The following STXBP5L variants were observed in gnomAD, a reference collection of about 807,000 sequenced individuals.
STXBP5L encodes syntaxin-binding protein 5-like.
A neutral mutation model predicts 144.5 loss-of-function variants in STXBP5L; 65 were observed. The observed-to-expected ratio is 0.45, with a 90% CI of 0.37 to 0.55. The LOEUF (loss-of-function observed/expected upper bound fraction) is 0.55, where lower values mean the gene tolerates loss of function less well. Ranked by LOEUF, STXBP5L falls within the 20% of genes least tolerant of loss-of-function variation. The probability of loss-of-function intolerance (pLI) is 0.00; values close to 1 mark genes in which losing one functional copy is unlikely to be tolerated. For synonymous variants in STXBP5L, 505 were observed against 469.6 expected, an observed-to-expected ratio of 1.08 and a Z score of -0.97; for missense variants, 1,298 against 1,405.5, an observed-to-expected ratio of 0.92 and a Z score of 1.22.
At chr3:120,951,918 A>G (rs1711264372) in intron 2 of STXBP5L, among the ~76,000 whole-genome samples, 1 of 151,984 alleles carries the variant, frequency 6.6e-6, no homozygotes, top group Admixed American at 6.6e-5. Context: ...ATGTCCAACA[A>G]TGATAGACTG....
chr3:120,969,960 G>GT (rs1940049689), intron 3 of STXBP5L, among the ~76,000 whole-genome samples: 1 of 151,818 alleles, frequency 6.6e-6, no homozygotes, highest in South Asian at 2.1e-4. Flanking sequence ...TCTATTACAG[G>GT]TTTTTGCATT....
chr3:121,155,812 G>A (rs9870664), intron 8 of STXBP5L, among the ~76,000 whole-genome samples: 15,080 of 151,756 alleles, frequency 0.099, 1,177 homozygotes, highest in Admixed American at 0.2. Context: ...TAATAGTACT[G>A]ACTTACTTTG....
intron 19 of STXBP5L, among the ~76,000 whole-genome samples, chr3:121,309,535 A>G (rs539374515): frequency 6.6e-6 from 1 of 152,136 alleles, no homozygotes; most frequent in East Asian, 1.9e-4. Flanking sequence ...AGTCAATAAT[A>G]ATTGTTGGAA....
chr3:121,039,942 T>G (rs1470678871), intron 3 of STXBP5L, among the ~76,000 whole-genome samples: 1 of 150,302 alleles, frequency 6.7e-6, no homozygotes, highest in Non-Finnish European at 1.5e-5. Context: ...AGATATTCTA[T>G]TTGAGATAGA....
chr3:121,343,803 C>T (rs1339378028), intron 20 of STXBP5L, among the ~76,000 whole-genome samples: 1 of 152,034 alleles, frequency 6.6e-6, no homozygotes, highest in African/African-American at 2.4e-5. Flanking sequence ...GAATCAATAT[C>T]GTGAAAATGG....
At chr3:121,198,597 T>C (rs1240317521) in intron 9 of STXBP5L, among the ~76,000 whole-genome samples, 1 of 152,222 alleles carries the variant, frequency 6.6e-6, no homozygotes, top group African/African-American at 2.4e-5. Context: ...GGTTTTCTTC[T>C]AGGATTTTTT....
At chr3:121,084,766 C>T (rs566076990) in intron 5 of STXBP5L, among the ~76,000 whole-genome samples, 7 of 152,224 alleles carry the variant, frequency 4.6e-5, no homozygotes, top group Admixed American at 2.0e-4. Context: ...GGTCCTAGAT[C>T]TTTGAGGAAT....
intron 20 of STXBP5L, 63 bp from the exon 21 acceptor site, chr3:121,378,653 T>C: frequency 1.3e-6 from 2 of 1,515,426 alleles, no homozygotes; most frequent in Non-Finnish European, 1.8e-6. Context: ...ATCTACACGC[T>C]TGTATTCCTT....
intron 9 of STXBP5L, among the ~76,000 whole-genome samples, chr3:121,192,434 C>T (rs1249632573): frequency 2.0e-5 from 3 of 152,140 alleles, no homozygotes. Flanking sequence ...CTCCATCAAG[C>T]TATCAATGAC....
At chr3:121,018,069 G>C (rs960020436) in intron 3 of STXBP5L, among the ~76,000 whole-genome samples, 1 of 151,464 alleles carries the variant, frequency 6.6e-6, no homozygotes, top group Non-Finnish European at 1.5e-5. Context: ...ACAGAGGGAG[G>C]CCCTTTTTCA....
rs189570593 is a variant in STXBP5L at position 120,998,922 on chromosome 3, T to G, written c.288-42778T>G. Among the ~76,000 whole-genome samples the G allele has an allele frequency of 5.3e-5, 8 of 152,330 alleles. No homozygotes were observed. In the East Asian group the frequency reaches 1.5e-3, roughly 29 times the overall value. On this transcript the variant is annotated intron_variant, in intron 3 of 26. Coordinates refer to ENST00000471454, the MANE Select transcript of STXBP5L (RefSeq NM_001308330.2). Reference sequence around the variant, plus strand: ...TCTCATGGATAGGAAGAATCAATATTGTTAAGATGGTCAATGAATTTCTTG... The same window carrying G: ...TCTCATGGATAGGAAGAATCAATATGGTTAAGATGGTCAATGAATTTCTTG...
intron 3 of STXBP5L, among the ~76,000 whole-genome samples, chr3:120,963,048 G>A (rs1200728092): frequency 6.6e-6 from 1 of 152,172 alleles, no homozygotes; most frequent in Non-Finnish European, 1.5e-5. Context: ...TTGTAAATGG[G>A]AGTTCACTCA....
intron 18 of STXBP5L, among the ~76,000 whole-genome samples, chr3:121,259,761 T>C (rs1338155685): frequency 6.6e-6 from 1 of 152,036 alleles, no homozygotes; most frequent in African/African-American, 2.4e-5. Context: ...TCACATTATA[T>C]TATGTTCATG....
chr3:121,225,128 C>T (rs760968292), intron 11 of STXBP5L, among the ~76,000 whole-genome samples: 11 of 151,982 alleles, frequency 7.2e-5, no homozygotes, highest in Admixed American at 2.0e-4. Context: ...TTGACAGTGC[C>T]GGAAAGGTTT....
chr3:121,240,667 G>A (rs1410543591), intron 14 of STXBP5L, among the ~76,000 whole-genome samples, 160 bp downstream of exon 14: 1 of 152,058 alleles, frequency 6.6e-6, no homozygotes, highest in East Asian at 1.9e-4. Context: ...CTTGACAGAG[G>A]ATATAATCAA....
intron 20 of STXBP5L, among the ~76,000 whole-genome samples, chr3:121,353,661 G>T (rs2045391504): frequency 6.6e-6 from 1 of 152,040 alleles, no homozygotes; most frequent in Non-Finnish European, 1.5e-5. Flanking sequence ...TTTTTGAAGG[G>T]TTTTTTGTGT....
At chr3:121,324,131 G>A (rs901658575) in intron 20 of STXBP5L, among the ~76,000 whole-genome samples, 1 of 152,092 alleles carries the variant, frequency 6.6e-6, no homozygotes, top group African/African-American at 2.4e-5. Flanking sequence ...ATGAAGGCTA[G>A]GATGATAGAA....
chr3:121,061,743 G>A (rs1176771691), intron 5 of STXBP5L, among the ~76,000 whole-genome samples: 2 of 152,098 alleles, frequency 1.3e-5, no homozygotes, highest in Non-Finnish European at 2.9e-5. Context: ...TGTCTCTGTT[G>A]ATCTTTGTTG....
chr3:121,173,438 G>A (rs1051897952), intron 9 of STXBP5L, among the ~76,000 whole-genome samples: 1 of 151,710 alleles, frequency 6.6e-6, no homozygotes, highest in Non-Finnish European at 1.5e-5. Context: ...ACTTATCAGA[G>A]AACTCAGGTT....
Sources: gnomAD v4.1 joint callset for allele counts (sites outside exome capture counted in the v4.1 genomes callset) on GRCh38, gnomAD v4.1.1 for gene constraint, MANE v1.5 for transcripts, NCBI Gene and HGNC (gene_info 2026-07-23, HGNC 2026-07-21) for gene names.